The following TRAPPC10 variants were observed in gnomAD, a reference collection of about 807,000 sequenced individuals.
TRAPPC10 encodes TRAPP 130 kDa subunit.
Under a neutral mutation model 125.5 loss-of-function variants are expected in TRAPPC10, and 23 were observed. That is an observed-to-expected ratio of 0.18 (90% CI 0.13 to 0.26). The LOEUF is 0.26. TRAPPC10 is among the 10% of genes least tolerant of loss of function. The pLI is 1.00. For missense variants in TRAPPC10, 1,123 were observed against 1,308.4 expected (o/e 0.86, Z 2.19); for synonymous variants, 509 against 518.0 (o/e 0.98, Z 0.24).
intron 18 of TRAPPC10, 117 bp from the exon 19 acceptor site, chr21:44,091,806 A>G: frequency 1.0e-6 from 1 of 976,936 alleles, no homozygotes; most frequent in Non-Finnish European, 1.5e-6. Flanking sequence ...AACTTAGCTT[A>G]CTTTGCTTTG....
chr21:44,032,143 G>T lies in TRAPPC10; in HGVS notation c.120G>T (p.Gln40His), dbSNP rs2033626186. ...CTGTTTATCCAACGCTCTCTCAGCA[G>T]CTTCCAAGAGAACCAATGGAATGGA... ...FTSVYPTLSQ[Q>H]LPREPMEWRR... The change falls in exon 2 of 23, where the codon CAG becomes CAT. Residue 40 changes from glutamine (Q) to histidine (H), a missense_variant. Physicochemically the swap from Gln to His is conservative, Grantham distance 24 (BLOSUM62 0). Coordinates refer to ENST00000291574, the MANE Select transcript of TRAPPC10 (RefSeq NM_003274.5). 1.9e-6 allele frequency: 3 copies of T among 1,613,860 alleles called. No individual in the cohort carries two copies. Among genetic ancestry groups the T allele is most frequent in the Non-Finnish European group, 2.5e-6 (3 of 1,179,964 alleles).
Position 44,063,897 on chromosome 21 carries a change from T to G in TRAPPC10, c.1038+112T>G, listed in dbSNP as rs773053685. Reference sequence around the variant, plus strand: ...TTGTGCTTAAGAAAGGGTTTTCTTTTCTGAATGCCTTTAATTTTCAGTATA... The same window carrying G: ...TTGTGCTTAAGAAAGGGTTTTCTTTGCTGAATGCCTTTAATTTTCAGTATA... On this transcript the variant is annotated intron_variant, in intron 7 of 22. Transcript: ENST00000291574. This position sits in a 1 kb window ranked among gnomAD's most constrained non-coding sequence, Gnocchi z 4.4. 210 of 1,397,304 alleles carry G rather than the reference T, an allele frequency of 1.5e-4. No homozygotes were observed. Among genetic ancestry groups the G allele is most frequent in the Non-Finnish European group, 2.0e-4 (203 of 1,038,920 alleles). 86.6% of individuals were successfully genotyped at this position (1,397,304 alleles called of 1,614,324 possible).
intron 1 of TRAPPC10, among the ~76,000 whole-genome samples, chr21:44,018,686 C>T (rs1277131550): frequency 6.8e-5 from 10 of 147,308 alleles, no homozygotes; most frequent in Admixed American, 2.7e-4. Flanking sequence ...CGTGAGACTC[C>T]GTCTCAAAAA....
chr21:44,049,695 G>A (rs1371533559), intron 3 of TRAPPC10, among the ~76,000 whole-genome samples: 2 of 152,084 alleles, frequency 1.3e-5, no homozygotes, highest in Non-Finnish European at 2.9e-5. Context: ...CCTCACTGCT[G>A]AGCTCTGGTA....
chr21:44,086,528 T>G (rs1320378960), intron 15 of TRAPPC10, among the ~76,000 whole-genome samples: 4 of 152,232 alleles, frequency 2.6e-5, no homozygotes, highest in Non-Finnish European at 5.9e-5. Context: ...GTCATGATCA[T>G]AATCCCTGAC....
chr21:44,075,209 CT>C, intron 9 of TRAPPC10, 56 bp downstream of exon 9: 3 of 1,335,212 alleles, frequency 2.2e-6, no homozygotes, highest in Non-Finnish European at 3.2e-6. Context: ...TGAAAATGTC[CT>C]TTGCAAGTTG....
intron 1 of TRAPPC10, among the ~76,000 whole-genome samples, chr21:44,015,550 A>G (rs1317114652): frequency 6.6e-6 from 1 of 151,768 alleles, no homozygotes; most frequent in Non-Finnish European, 1.5e-5. Context: ...AGCCAGCACT[A>G]CAGGTATGAC....
intron 1 of TRAPPC10, among the ~76,000 whole-genome samples, chr21:44,020,791 C>T (rs1026534400): frequency 6.6e-6 from 1 of 152,168 alleles, no homozygotes; most frequent in African/African-American, 2.4e-5. Context: ...AAGCTCTAAA[C>T]ATCCAGGTTA....
intron 3 of TRAPPC10, chr21:44,046,555 A>T (rs1170991554): frequency 5.9e-6 from 1 of 170,734 alleles, no homozygotes; most frequent in Non-Finnish European, 1.2e-5. Context: ...CTTGTTGCCC[A>T]GGCTGGAGTG....
intron 20 of TRAPPC10, among the ~76,000 whole-genome samples, 184 bp downstream of exon 20, chr21:44,094,417 C>G (rs942427320): frequency 4.6e-5 from 7 of 152,278 alleles, no homozygotes; most frequent in Middle Eastern, 6.8e-3. Context: ...AGGTCCTTCT[C>G]AAGTGACACA....
At chr21:44,058,406 G>C (rs915470823) in intron 5 of TRAPPC10, among the ~76,000 whole-genome samples, 1 of 152,028 alleles carries the variant, frequency 6.6e-6, no homozygotes, top group South Asian at 2.1e-4. Flanking sequence ...GGGAAGGGGT[G>C]GGGGTGGGGG....
chr21:44,018,495 T>C (rs2032121300), intron 1 of TRAPPC10, among the ~76,000 whole-genome samples: 1 of 152,076 alleles, frequency 6.6e-6, no homozygotes, highest in Non-Finnish European at 1.5e-5. Context: ...GGTCAAGAGA[T>C]TGAGACCACC....
chr21:44,070,584 T>C (rs1442894198), intron 7 of TRAPPC10, among the ~76,000 whole-genome samples: 1 of 152,244 alleles, frequency 6.6e-6, no homozygotes, highest in Non-Finnish European at 1.5e-5. Flanking sequence ...GCCTTCGTGC[T>C]GTTGGCTGAG....
In TRAPPC10 at chr21:44,056,482, G is replaced by A. The variant is rs75778182; in HGVS notation, c.678+589G>A. On this transcript the variant is annotated intron_variant, in intron 5 of 22. Coordinates refer to ENST00000291574, the MANE Select transcript of TRAPPC10 (RefSeq NM_003274.5). ...TAGCCACTCCACAGTGGGGAAACCA[G>A]GTACATACCACCTGAATGAAATGAT... 1.9e-3 allele frequency among the ~76,000 whole-genome samples: 292 copies of A among 152,254 alleles called. 1 individual carries two copies. The highest frequency in any genetic ancestry group is 6.8e-3 in the Middle Eastern group (2 of 294).
At chr21:44,071,239 G>T (rs1302282969) in intron 7 of TRAPPC10, among the ~76,000 whole-genome samples, 1 of 152,208 alleles carries the variant, frequency 6.6e-6, no homozygotes, top group East Asian at 1.9e-4. Context: ...TCTTGACCGG[G>T]AAAAGGGACT....
Position 44,094,199 on chromosome 21 carries a change from C to T in TRAPPC10, c.3134C>T (p.Pro1045Leu), listed in dbSNP as rs1307797489. ...GAACAGCTGTCTATCTCCTTAAAGC[C>T]GTATACTTATGAATTTAAAGTGGAA... ...SEEQLSISLK[P>L]YTYEFKVENF... The change falls in exon 20 of 23, where the codon CCG becomes CTG. Residue 1045 changes from proline (P) to leucine (L), a missense_variant. Pro to Leu is a moderately conservative substitution (Grantham distance 98). Coordinates refer to ENST00000291574, the MANE Select transcript of TRAPPC10 (RefSeq NM_003274.5). The T allele has an allele frequency of 6.8e-6, 11 of 1,613,256 alleles. No homozygotes were observed. The highest frequency in any genetic ancestry group is 6.6e-5 in the South Asian group (6 of 90,832).
chr21:44,031,563 T>C (rs1208795733), intron 1 of TRAPPC10, among the ~76,000 whole-genome samples: 2 of 152,202 alleles, frequency 1.3e-5, no homozygotes, highest in Non-Finnish European at 2.9e-5. Context: ...TTTGTGCCTT[T>C]CCTCCCAGGA....
At chr21:44,089,474 C>T (rs2038420173) in intron 17 of TRAPPC10, 1 of 450,404 alleles carries the variant, frequency 2.2e-6, no homozygotes, top group Non-Finnish European at 4.5e-6. Flanking sequence ...AGCACTTTGT[C>T]AAAACCCTGT....
chr21:44,012,732 C>T (rs945664500), intron 1 of TRAPPC10, among the ~76,000 whole-genome samples, 172 bp downstream of exon 1: 2 of 152,100 alleles, frequency 1.3e-5, no homozygotes, highest in Admixed American at 6.5e-5. Context: ...TTTTCGGGGA[C>T]GCCCTCTGAC....
Sources: allele counts gnomAD v4.1 joint callset (sites outside exome capture counted in the v4.1 genomes callset), GRCh38; gene constraint gnomAD v4.1.1; non-coding constraint Gnocchi (gnomAD v3.1); transcripts MANE v1.5; gene names NCBI Gene and HGNC (gene_info 2026-07-23, HGNC 2026-07-21).